The following RIN2 variants were observed in gnomAD, a reference collection of about 807,000 sequenced individuals.
RIN2 encodes RAB5 interacting protein 2.
A neutral mutation model predicts 78.0 loss-of-function variants in RIN2; 36 were observed. That is an observed-to-expected ratio of 0.46 (90% CI 0.35 to 0.61). The LOEUF (loss-of-function observed/expected upper bound fraction) is 0.61. Ranked by LOEUF, RIN2 falls within the 20% of genes least tolerant of loss-of-function variation. RIN2 has a pLI of 0.00. For synonymous variants in RIN2, 466 were observed against 466.8 expected (o/e 1.00, Z 0.02); for missense variants, 1,087 against 1,159.7 (o/e 0.94, Z 0.91).
At chr20:19,824,583 G>C (rs958446645) in intron 2 of RIN2, among the ~76,000 whole-genome samples, 9 of 151,874 alleles carry the variant, frequency 5.9e-5, no homozygotes, top group African/African-American at 2.2e-4. Context: ...TCTCCTAAAG[G>C]GGGCTTCCAG....
chr20:19,838,720 G>A (rs1262577222), intron 2 of RIN2, among the ~76,000 whole-genome samples: 1 of 152,144 alleles, frequency 6.6e-6, no homozygotes, highest in Admixed American at 6.5e-5. Context: ...TGGCCTGGAT[G>A]AGTCTTTTGC....
rs191028139 is a variant in RIN2 at position 19,789,825 on chromosome 20, C to A, written c.-162-9797C>A. On this transcript the variant is annotated intron_variant, in intron 1 of 12. Coordinates refer to ENST00000255006, the MANE Select transcript of RIN2 (RefSeq NM_018993.4). Reference sequence around the variant, plus strand: ...AGTCCCAAAGTGCTAGCCAGAGATTCCTCACCTCGAGTTGCAATTTGTCTT... The same window carrying A: ...AGTCCCAAAGTGCTAGCCAGAGATTACTCACCTCGAGTTGCAATTTGTCTT... 4.2e-3 allele frequency among the ~76,000 whole-genome samples: 647 copies of A among 152,302 alleles called. 3 individuals are homozygous for A. The highest frequency in any genetic ancestry group is 0.015 in the African/African-American group (618 of 41,562).
intron 6 of RIN2, among the ~76,000 whole-genome samples, chr20:19,961,691 C>A (rs1311646165): frequency 6.6e-6 from 1 of 152,084 alleles, no homozygotes; most frequent in East Asian, 1.9e-4. Context: ...TCTTGCTGAG[C>A]CAAATGACCA....
At chr20:19,861,774 A>G (rs748439185) in intron 2 of RIN2, among the ~76,000 whole-genome samples, 23 of 150,456 alleles carry the variant, frequency 1.5e-4, no homozygotes, top group Non-Finnish European at 2.8e-4. Flanking sequence ...TCTGATGATC[A>G]CCCTCCATAT....
intron 5 of RIN2, among the ~76,000 whole-genome samples, chr20:19,957,809 A>C (rs2041602380): frequency 6.6e-6 from 1 of 152,376 alleles, no homozygotes; most frequent in South Asian, 2.1e-4. Flanking sequence ...TACCGTAGCC[A>C]CATTTTAAGT....
At chr20:19,769,963 T>C (rs1350256055) in intron 1 of RIN2, among the ~76,000 whole-genome samples, 1 of 151,968 alleles carries the variant, frequency 6.6e-6, no homozygotes, top group Non-Finnish European at 1.5e-5. Context: ...CAAAAGAAAA[T>C]GAACAGCAGA....
chr20:19,759,192 G>A (rs1333254349), intron 1 of RIN2, among the ~76,000 whole-genome samples: 1 of 152,222 alleles, frequency 6.6e-6, no homozygotes, highest in Non-Finnish European at 1.5e-5. Context: ...AGAAATACAG[G>A]GCAAGATCGG....
intron 3 of RIN2, 71 bp downstream of exon 3, chr20:19,889,729 A>C (rs2038357552): frequency 8.2e-7 from 1 of 1,226,914 alleles, no homozygotes; most frequent in Non-Finnish European, 1.1e-6. Flanking sequence ...GCGGTGCTCC[A>C]TGGAGCTGCT....
At position 19,974,687 on chromosome 20, in the gene RIN2, C is replaced by A. The variant is rs371812021; in HGVS notation, c.662C>A (p.Pro221Gln). The A allele has an allele frequency of 1.2e-4, 192 of 1,613,756 alleles. No individual in the cohort carries two copies. In the South Asian group the frequency reaches 1.9e-3, roughly 16 times the overall value. Reference protein sequence around the residue: ...FWSSPADSKPPNLPPPHRPLS... With the variant: ...FWSSPADSKPQNLPPPHRPLS... ...AGCTCCCCAGCTGACAGCAAACCCCCGAACCTTCCACCTCCCCATAGGCCT... is the reference window on the plus strand; with the variant it reads ...AGCTCCCCAGCTGACAGCAAACCCCAGAACCTTCCACCTCCCCATAGGCCT... The change falls in exon 9 of 13, where the codon CCG becomes CAG. Residue 221 changes from proline to glutamine, a missense_variant. Around this residue, in one of 8 missense-constraint regions of RIN2, gnomAD observed 706 missense variants for 667.5 expected, o/e 1.06. Transcript: ENST00000255006.
chr20:19,913,860 T>A (rs1331550689), intron 3 of RIN2, among the ~76,000 whole-genome samples: 7 of 152,244 alleles, frequency 4.6e-5, no homozygotes, highest in Non-Finnish European at 1.0e-4. Context: ...TTCTACCTTT[T>A]GACTGTGGGA....
intron 8 of RIN2, among the ~76,000 whole-genome samples, chr20:19,973,379 A>G (rs533843727): frequency 2.0e-5 from 3 of 152,320 alleles, no homozygotes; most frequent in Admixed American, 1.3e-4. Context: ...GGCTGTCACC[A>G]CACAGACAAG....
intron 9 of RIN2, among the ~76,000 whole-genome samples, chr20:19,976,403 C>T (rs992280478): frequency 1.3e-5 from 2 of 152,142 alleles, no homozygotes; most frequent in African/African-American, 4.8e-5. Context: ...GTAAGCAGCA[C>T]GGCTTGGGAG....
rs141804491 is a variant in RIN2, at chr20:19,892,332, C to A, written c.57+2674C>A. 3.7e-3 allele frequency among the ~76,000 whole-genome samples: 559 copies of A among 152,296 alleles called. 2 individuals carry two copies. The highest frequency in any genetic ancestry group is 0.012 in the African/African-American group (510 of 41,552). On this transcript the variant is annotated intron_variant, in intron 3 of 12. Coordinates refer to ENST00000255006, the MANE Select transcript of RIN2 (RefSeq NM_018993.4). ...CCCGGGTTCAAGCGATTCTCTGCCT[C>A]AGCCTCCCGAGCAGCTGGGATTACA...
intron 2 of RIN2, among the ~76,000 whole-genome samples, chr20:19,879,414 A>G (rs1372116757): frequency 1.3e-5 from 2 of 152,144 alleles, no homozygotes; most frequent in Admixed American, 1.3e-4. Flanking sequence ...CACATTTACT[A>G]TGTTTAGAAG....
At position 20,000,893 on chromosome 20, in the gene RIN2, G is replaced by A. The variant is rs372004694; in HGVS notation, c.2645G>A (p.Gly882Asp). 3.7e-6 allele frequency: 6 copies of A among 1,613,498 alleles called. No homozygotes were observed. The highest frequency in any genetic ancestry group is 5.1e-6 in the Non-Finnish European group (6 of 1,179,570). Reference protein sequence around the residue: ...VYKRIKNDPYGIIFQNGEEDL... With the variant: ...VYKRIKNDPYDIIFQNGEEDL... ...AAACGCATCAAGAACGATCCTTATG[G>A]CATCATTTTCCAGAACGGGGAAGAA... Residue 882 changes from glycine (G) to aspartate (D), a missense_variant, in exon 13 of 13, where the codon GGC becomes GAC. Around this residue, in one of 8 missense-constraint regions of RIN2, gnomAD observed 160 missense variants for 179.4 expected, o/e 0.89. Transcript: ENST00000255006.
intron 11 of RIN2, among the ~76,000 whole-genome samples, chr20:19,992,702 A>G (rs1048455926): frequency 1.3e-5 from 2 of 151,750 alleles, no homozygotes; most frequent in Non-Finnish European, 2.9e-5. Flanking sequence ...CTTAATGGCA[A>G]TAAAAAAAAT....
intron 1 of RIN2, among the ~76,000 whole-genome samples, chr20:19,776,530 G>A (rs1600425149): frequency 1.3e-5 from 2 of 152,036 alleles, no homozygotes; most frequent in Admixed American, 6.5e-5. Flanking sequence ...TCAGGAGTTC[G>A]AGACAAGCCT....
At chr20:19,916,805 C>T (rs953579424) in intron 3 of RIN2, among the ~76,000 whole-genome samples, 1 of 152,112 alleles carries the variant, frequency 6.6e-6, no homozygotes, top group Non-Finnish European at 1.5e-5. Context: ...CACTGTTGTT[C>T]GAGCAGTAGT....
At chr20:19,861,104 G>A (rs2037319562) in intron 2 of RIN2, among the ~76,000 whole-genome samples, 2 of 152,162 alleles carry the variant, frequency 1.3e-5, no homozygotes, top group South Asian at 4.2e-4. Context: ...AAAATATTCA[G>A]CAGAGTCAAT....
Sources: allele counts gnomAD v4.1 joint callset (sites outside exome capture counted in the v4.1 genomes callset), GRCh38; gene constraint gnomAD v4.1.1; regional missense constraint gnomAD v4.1.1; transcripts MANE v1.5; gene names NCBI Gene and HGNC (gene_info 2026-07-23, HGNC 2026-07-21).